The following DOP1B variants were observed in gnomAD, a reference collection of about 807,000 sequenced individuals.
The protein encoded by DOP1B is protein DOP1B.
In DOP1B, 174 loss-of-function variants were observed where a neutral mutation model predicts 233.5. The ratio of observed to expected loss-of-function variants is 0.75; its 90% CI spans 0.66 to 0.85. DOP1B has a LOEUF of 0.85. DOP1B is among the 40% of genes least tolerant of loss of function. The probability of loss-of-function intolerance (pLI) is 0.00; values close to 1 mark genes in which losing one functional copy is unlikely to be tolerated. For synonymous variants in DOP1B, 1,190 were observed against 1,185.6 expected (o/e 1.00, Z -0.08); for missense variants, 2,652 against 2,846.6 (o/e 0.93, Z 1.56).
intron 31 of DOP1B, among the ~76,000 whole-genome samples, chr21:36,281,032 C>T (rs1304211459): frequency 1.3e-5 from 2 of 152,018 alleles, no homozygotes; most frequent in Admixed American, 1.3e-4. Context: ...ATTGGCTGGG[C>T]ACAGTGGCTC....
At chr21:36,191,740 C>G (rs898461717) in intron 2 of DOP1B, among the ~76,000 whole-genome samples, 1 of 149,818 alleles carries the variant, frequency 6.7e-6, no homozygotes, top group Non-Finnish European at 1.5e-5. Context: ...GAGCCGAGAT[C>G]ACACCACTGC....
chr21:36,220,957 C>G (rs1020956711), intron 10 of DOP1B, among the ~76,000 whole-genome samples: 1 of 152,036 alleles, frequency 6.6e-6, no homozygotes, highest in Non-Finnish European at 1.5e-5. Flanking sequence ...ACTATAGGCA[C>G]ACACAACCAC....
chr21:36,227,155 C>A (rs2066696501), intron 12 of DOP1B, among the ~76,000 whole-genome samples: 2 of 150,436 alleles, frequency 1.3e-5, no homozygotes, highest in African/African-American at 4.9e-5. Context: ...TTGCAGTGAG[C>A]CGAGATCACA....
chr21:36,271,639 T>G (rs1317812238), intron 27 of DOP1B, among the ~76,000 whole-genome samples: 1 of 151,958 alleles, frequency 6.6e-6, no homozygotes, highest in African/African-American at 2.4e-5. Flanking sequence ...CAACATACTA[T>G]GTGTGTGTGC....
At chr21:36,266,391 G>T (rs1203736539) in intron 26 of DOP1B, among the ~76,000 whole-genome samples, 1 of 152,124 alleles carries the variant, frequency 6.6e-6, no homozygotes, top group African/African-American at 2.4e-5. Flanking sequence ...GGCCAGGCTG[G>T]TCTCGAACTC....
rs534881536 is a variant in DOP1B at position 36,293,837 on chromosome 21, G to A, written c.*266G>A. The A allele has an allele frequency of 5.8e-6, 2 of 346,698 alleles. No individual in the cohort carries two copies. The highest frequency in any genetic ancestry group is 4.2e-5 in the African/African-American group (2 of 47,684). 21.5% of individuals were successfully genotyped at this position (346,698 alleles called of 1,614,324 possible). On this transcript the variant is annotated 3_prime_UTR_variant, in exon 37 of 37. Transcript: ENST00000691173. ...GTCTCTACTAAAAATACAAAAATTA[G>A]CTGGGTGTGGTGGCGGCGCCTGTAA... is the stretch of plus-strand genomic sequence containing the variant.
intron 16 of DOP1B, among the ~76,000 whole-genome samples, chr21:36,237,872 A>G (rs2066845107): frequency 6.6e-6 from 1 of 152,126 alleles, no homozygotes; most frequent in Non-Finnish European, 1.5e-5. Flanking sequence ...TACCAAAAAT[A>G]AATAAATAAA....
At chr21:36,159,558 G>A (rs2065851975) in intron 1 of DOP1B, among the ~76,000 whole-genome samples, 1 of 152,200 alleles carries the variant, frequency 6.6e-6, no homozygotes. Context: ...CGAAATAAAG[G>A]AGCTTGCATG....
intron 15 of DOP1B, among the ~76,000 whole-genome samples, chr21:36,234,292 A>T (rs758415941): frequency 6.6e-6 from 1 of 152,194 alleles, no homozygotes; most frequent in Non-Finnish European, 1.5e-5. Context: ...TCTTGGCCCT[A>T]CATAGATCAG....
In DOP1B at chr21:36,246,195, C is replaced by A; in HGVS notation, c.4215C>A (p.Ala1405=). The change falls in exon 19 of 37, where the codon GCC becomes GCA. Residue 1405 remains alanine, a synonymous_variant. Coordinates refer to ENST00000691173, the MANE Select transcript of DOP1B (RefSeq NM_001320714.2). The surrounding 1 kb of genome is among the most constrained non-coding windows in gnomAD (Gnocchi z 5.1). Reference sequence around the variant, plus strand: ...CGAGCCAGAAGCGCTACGGGCTGGCCACCGCCCACCACGGCAGGGCCCTGC... The same window carrying A: ...CGAGCCAGAAGCGCTACGGGCTGGCAACCGCCCACCACGGCAGGGCCCTGC... ...MYTSQKRYGL[A]TAHHGRALPE... is the part of the protein sequence containing the mutation. The A allele has an allele frequency of 3.1e-6, 5 of 1,613,768 alleles. No homozygotes were observed. The highest frequency in any genetic ancestry group is 4.2e-6 in the Non-Finnish European group (5 of 1,180,028).
At chr21:36,202,476 G>A (rs961502327) in intron 4 of DOP1B, among the ~76,000 whole-genome samples, 4 of 152,160 alleles carry the variant, frequency 2.6e-5, no homozygotes, top group Non-Finnish European at 5.9e-5. Context: ...CTGTGACTGA[G>A]GGGTGCAGGA....
chr21:36,225,081 C>T (rs1471481428), intron 11 of DOP1B, among the ~76,000 whole-genome samples: 2 of 152,108 alleles, frequency 1.3e-5, no homozygotes, highest in Admixed American at 6.6e-5. Flanking sequence ...AGATTCAGGA[C>T]ACTTATTGAC....
rs986459408 is a variant in DOP1B at position 36,277,021 on chromosome 21, A to G, written c.5633A>G (p.Asp1878Gly). The G allele has an allele frequency of 6.2e-7, 1 of 1,613,912 alleles. No individual in the cohort carries two copies. Among genetic ancestry groups the G allele is most frequent in the African/African-American group, 1.3e-5 (1 of 74,920 alleles). The change falls in exon 28 of 37, where the codon GAT (aspartate) becomes GGT (glycine). Residue 1878 changes from aspartate (D) to glycine (G), a missense_variant and splice_region_variant. Physicochemically the swap from Asp to Gly is moderately conservative, Grantham distance 94 (BLOSUM62 -1). Coordinates refer to ENST00000691173, the MANE Select transcript of DOP1B (RefSeq NM_001320714.2). ...TACAAATGGCTCTTTCTGTTCACAG[A>G]TGCTGCTGCAGCTTCAGCAATGGTG... ...EESDAEEDLY[D>G]AAAASAMVSS...
intron 2 of DOP1B, among the ~76,000 whole-genome samples, chr21:36,171,495 C>A (rs2242811): frequency 0.37 from 56,505 of 151,932 alleles, 11,379 homozygotes; most frequent in Non-Finnish European, 0.45. Context: ...TAGGGGGTGG[C>A]CCTAATCCAG....
At chr21:36,287,463 CA>C (rs973067834) in intron 32 of DOP1B, among the ~76,000 whole-genome samples, 4 of 151,656 alleles carry the variant, frequency 2.6e-5, no homozygotes, top group African/African-American at 9.7e-5. Flanking sequence ...TCAGCTGTGG[CA>C]GGGGGACGGC....
chr21:36,207,126 G>A (rs368323005), intron 4 of DOP1B, among the ~76,000 whole-genome samples: 19 of 152,012 alleles, frequency 1.2e-4, no homozygotes, highest in East Asian at 7.7e-4. Flanking sequence ...AATTGCAGGC[G>A]GCATGGCCCA....
chr21:36,164,545 A>G, intron 1 of DOP1B, 163 bp from the exon 2 acceptor site: 1 of 427,772 alleles, frequency 2.3e-6, no homozygotes. Flanking sequence ...TTCATCTCCC[A>G]CAGTGCCTGG....
intron 1 of DOP1B, among the ~76,000 whole-genome samples, chr21:36,161,832 G>A (rs1324349566): frequency 1.3e-5 from 2 of 152,178 alleles, no homozygotes; most frequent in African/African-American, 4.8e-5. Context: ...CCTGTGGAGG[G>A]CATTTCATAT....
chr21:36,189,083 C>T (rs1057504634), intron 2 of DOP1B, among the ~76,000 whole-genome samples: 2 of 152,158 alleles, frequency 1.3e-5, no homozygotes, highest in Admixed American at 6.5e-5. Context: ...ACACAGAATG[C>T]TTCTAAATCA....
Sources: allele counts gnomAD v4.1 joint callset (sites outside exome capture counted in the v4.1 genomes callset), GRCh38; gene constraint gnomAD v4.1.1; non-coding constraint Gnocchi (gnomAD v3.1); transcripts MANE v1.5; gene names NCBI Gene and HGNC (gene_info 2026-07-23, HGNC 2026-07-21).